EFCAB8: variants seen among roughly 807,000 people sequenced by gnomAD.
EFCAB8 encodes EF-hand calcium binding domain 8.
A neutral mutation model predicts 116.3 loss-of-function variants in EFCAB8; 100 were observed. The observed-to-expected ratio is 0.86, with a 90% CI of 0.73 to 1.02. The LOEUF is 1.02. Among genes scored for constraint, EFCAB8 ranks in the 50% least tolerant of loss-of-function variants. The probability of loss-of-function intolerance (pLI) is 0.00; values close to 1 mark genes in which losing one functional copy is unlikely to be tolerated. For missense variants in EFCAB8, 1,320 were observed against 1,416.9 expected, an observed-to-expected ratio of 0.93 and a Z score of 1.10; for synonymous variants, 558 against 567.9, an observed-to-expected ratio of 0.98 and a Z score of 0.25.
At chr20:32,888,003 C>A (rs1165979745) in intron 6 of EFCAB8, among the ~76,000 whole-genome samples, 2 of 152,092 alleles carry the variant, frequency 1.3e-5, no homozygotes, top group East Asian at 3.9e-4. Context: ...TCCCTGCAGG[C>A]AAATGCTATG....
At chr20:32,936,791 C>T (rs534842253) in intron 22 of EFCAB8, among the ~76,000 whole-genome samples, 1 of 152,146 alleles carries the variant, frequency 6.6e-6, no homozygotes, top group South Asian at 2.1e-4. Flanking sequence ...TTTGGCTAGC[C>T]AGGGTCTTTT....
chr20:32,882,730 C>CG (rs1568906600), intron 5 of EFCAB8, among the ~76,000 whole-genome samples: 1 of 151,792 alleles, frequency 6.6e-6, no homozygotes, highest in Non-Finnish European at 1.5e-5. Flanking sequence ...GAGCCTTGCT[C>CG]GGTCGCCCAG....
intron 23 of EFCAB8, among the ~76,000 whole-genome samples, chr20:32,952,686 C>T (rs1375170104): frequency 6.6e-6 from 1 of 152,104 alleles, no homozygotes; most frequent in Non-Finnish European, 1.5e-5. Context: ...AACAGGTATC[C>T]ACATTGTGAG....
chr20:32,923,123 G>A (rs1987528150), intron 20 of EFCAB8, among the ~76,000 whole-genome samples: 1 of 152,188 alleles, frequency 6.6e-6, no homozygotes, highest in African/African-American at 2.4e-5. Flanking sequence ...GGTCAAGGAT[G>A]CAGTGAGCTG....
intron 19 of EFCAB8, 25 bp downstream of exon 19, chr20:32,918,599 G>T: frequency 6.5e-7 from 1 of 1,548,980 alleles, no homozygotes; most frequent in Non-Finnish European, 8.7e-7. Flanking sequence ...CCAACCAGAA[G>T]GCTACCCTCA....
chr20:32,893,431 G>C, intron 9 of EFCAB8, 133 bp downstream of exon 9: 1 of 1,333,110 alleles, frequency 7.5e-7, no homozygotes, highest in East Asian at 2.5e-5. Context: ...CTGCTTCCAA[G>C]CGCAGGGTGC....
At chr20:32,937,009 A>G (rs186565746) in intron 22 of EFCAB8, among the ~76,000 whole-genome samples, 350 of 152,162 alleles carry the variant, frequency 2.3e-3, no homozygotes, top group Middle Eastern at 6.8e-3. Flanking sequence ...CAGATCTTTT[A>G]ACTTCTTGGT....
At chr20:32,957,610 C>G (rs1363057339) in intron 23 of EFCAB8, among the ~76,000 whole-genome samples, 56 of 152,184 alleles carry the variant, frequency 3.7e-4, no homozygotes, top group Admixed American at 3.7e-3. Context: ...ACCTACAACC[C>G]CAGCCTCCCT....
intron 26 of EFCAB8, 61 bp downstream of exon 26, chr20:32,960,222 C>T (rs1989105209): frequency 7.0e-7 from 1 of 1,419,966 alleles, no homozygotes; most frequent in South Asian, 1.2e-5. Context: ...ATCCCATGTC[C>T]ACCAGCAGCC....
chr20:32,877,181 A>G (rs941030266), intron 4 of EFCAB8, among the ~76,000 whole-genome samples: 4 of 126,520 alleles, frequency 3.2e-5, no homozygotes, highest in African/African-American at 1.1e-4. Context: ...CTTCTTCTCA[A>G]TTTTCTTGTT....
At chr20:32,879,927 C>T (rs575219326) in intron 5 of EFCAB8, among the ~76,000 whole-genome samples, 78 of 152,276 alleles carry the variant, frequency 5.1e-4, no homozygotes, top group African/African-American at 1.7e-3. Flanking sequence ...TGATCTGCCT[C>T]GCTGTGTGTT....
chr20:32,884,750 A>G (rs1013705848), intron 5 of EFCAB8, among the ~76,000 whole-genome samples: 1 of 152,184 alleles, frequency 6.6e-6, no homozygotes, highest in African/African-American at 2.4e-5. Context: ...AGGATGAGGT[A>G]ATATCACCTG....
chr20:32,884,963 C>G (rs1387608608), intron 5 of EFCAB8, among the ~76,000 whole-genome samples: 1 of 152,330 alleles, frequency 6.6e-6, no homozygotes, highest in African/African-American at 2.4e-5. Flanking sequence ...CCAGGCCTGC[C>G]CCCGGAGCTG....
chr20:32,900,995 C>A (rs1986400646), intron 11 of EFCAB8, among the ~76,000 whole-genome samples: 1 of 152,240 alleles, frequency 6.6e-6, no homozygotes, highest in Admixed American at 6.5e-5. Flanking sequence ...AGCCACCGCG[C>A]CCGGCCGTCC....
At chr20:32,881,289 C>T (rs1015849897) in intron 5 of EFCAB8, among the ~76,000 whole-genome samples, 8 of 152,112 alleles carry the variant, frequency 5.3e-5, no homozygotes, top group Admixed American at 3.9e-4. Context: ...CTCTGCCTCC[C>T]GGGTTCAAGT....
At chr20:32,886,231 A>G (rs1041404618) in intron 6 of EFCAB8, among the ~76,000 whole-genome samples, 1 of 152,238 alleles carries the variant, frequency 6.6e-6, no homozygotes, top group African/African-American at 2.4e-5. Flanking sequence ...TTTTGGGAAC[A>G]CATGATGACA....
intron 22 of EFCAB8, among the ~76,000 whole-genome samples, chr20:32,931,613 C>T (rs375773810): frequency 1.4e-4 from 22 of 152,124 alleles, no homozygotes; most frequent in African/African-American, 4.8e-4. Context: ...AAAAATTAGC[C>T]GAGTGTGGTG....
At chr20:32,895,437 A>C (rs1600395041) in intron 9 of EFCAB8, among the ~76,000 whole-genome samples, 2 of 142,724 alleles carry the variant, frequency 1.4e-5, no homozygotes, top group African/African-American at 5.3e-5. Flanking sequence ...TGATCCTCCC[A>C]CCTTAGCCTC....
intron 1 of EFCAB8, among the ~76,000 whole-genome samples, chr20:32,862,712 C>T (rs994168153): frequency 3.3e-5 from 5 of 152,178 alleles, no homozygotes; most frequent in Admixed American, 3.3e-4. Flanking sequence ...ATGGCAACCT[C>T]TGCCTCCCAG....
Sources: gnomAD v4.1 joint callset for allele counts (sites outside exome capture counted in the v4.1 genomes callset) on GRCh38, gnomAD v4.1.1 for gene constraint, MANE v1.5 for transcripts, NCBI Gene and HGNC (gene_info 2026-07-23, HGNC 2026-07-21) for gene names.